DMXL1: variants seen among roughly 807,000 people sequenced by gnomAD.
DMXL1 encodes the protein Dmx like 1.
DMXL1 carries 99 observed loss-of-function variants against 319.2 expected under a neutral mutation model. That is an observed-to-expected ratio of 0.31 (90% confidence interval 0.26 to 0.37). DMXL1 has a LOEUF of 0.37. DMXL1 is among the 10% of genes least tolerant of loss of function. DMXL1 has a pLI of 1.00. For missense variants in DMXL1, 3,745 were observed against 3,595.6 expected, an observed-to-expected ratio of 1.04 and a Z score of -1.06; for synonymous variants, 1,385 against 1,235.2, an observed-to-expected ratio of 1.12 and a Z score of -2.54.
Position 119,114,553 on chromosome 5 carries a change from A to G in DMXL1, c.564+12A>G, listed in dbSNP as rs1760393014. 6.3e-7 allele frequency: 1 copy of G among 1,587,026 alleles called. No individual in the cohort carries two copies. The highest frequency in any genetic ancestry group is 1.7e-5 in the Admixed American group (1 of 57,280). ...CCACTGCTGGGAAGGTAAATTGTGA[A>G]AATGCTATTGCCAAATTATGTGTTT... On this transcript the variant is annotated intron_variant, in intron 6 of 43. Coordinates refer to ENST00000539542, the MANE Select transcript of DMXL1 (RefSeq NM_001290321.3).
chr5:119,134,217 C>G lies in DMXL1; in HGVS notation c.2254+39C>G, dbSNP rs983710123. 4.4e-6 allele frequency: 7 copies of G among 1,605,666 alleles called. No individual in the cohort carries two copies. In the African/African-American group the frequency reaches 9.4e-5, roughly 22 times the overall value. ...TTTTTATTACAGTAATTTAGATTTG[C>G]TGACATTATCATCAAAGGGTGAAAT... On this transcript the variant is annotated intron_variant, in intron 12 of 43. Transcript: ENST00000539542.
chr5:119,096,150 TAGG>T (rs1755903750), intron 1 of DMXL1, among the ~76,000 whole-genome samples: 2 of 151,726 alleles, frequency 1.3e-5, no homozygotes, highest in African/African-American at 2.4e-5. Flanking sequence ...TTGGTTTTGG[TAGG>T]AATTAAGGTG....
intron 1 of DMXL1, among the ~76,000 whole-genome samples, chr5:119,095,306 T>G (rs750011399): frequency 2.0e-5 from 3 of 152,210 alleles, no homozygotes; most frequent in Admixed American, 6.5e-5. Flanking sequence ...AGATAAGTCA[T>G]TGAATGATGA....
intron 19 of DMXL1, among the ~76,000 whole-genome samples, chr5:119,153,307 T>C (rs1770258548): frequency 6.6e-6 from 1 of 152,180 alleles, no homozygotes; most frequent in South Asian, 2.1e-4. Context: ...TAGATTGTAA[T>C]TTAGCACATT....
chr5:119,197,970 T>C lies in DMXL1; in HGVS notation c.7745+14T>C, dbSNP rs754916390. 9.9e-6 allele frequency: 16 copies of C among 1,613,294 alleles called. No individual in the cohort carries two copies. Among genetic ancestry groups the C allele is most frequent in the South Asian group, 2.2e-5 (2 of 91,062 alleles). Reference sequence around the variant, plus strand: ...CACTCCTTTCAAGTAGGTTTTCTTATGAATGCTATTTGGGTTTTTTTGTTT... The same window carrying C: ...CACTCCTTTCAAGTAGGTTTTCTTACGAATGCTATTTGGGTTTTTTTGTTT... On this transcript the variant is annotated intron_variant, in intron 32 of 43. Transcript: ENST00000539542.
chr5:119,131,590 T>C (rs548773978), intron 10 of DMXL1, among the ~76,000 whole-genome samples: 1 of 152,344 alleles, frequency 6.6e-6, no homozygotes, highest in East Asian at 1.9e-4. Flanking sequence ...TTCCAATTCC[T>C]TCTTTTTACC....
In DMXL1 at chr5:119,237,394, A is replaced by G. The variant is rs200309372; in HGVS notation, c.8539A>G (p.Ser2847Gly). Residue 2847 changes from serine to glycine, a missense_variant, in exon 40 of 44, where the codon AGC (serine) becomes GGC (glycine). This residue lies in a region of DMXL1 where 262 missense variants were observed against 320.5 expected (regional missense o/e 0.82). Transcript: ENST00000539542. ...TNWKCCPVTG[S>G]MPKPYLTWQC... ...CTGGAAATGTTGTCCAGTTACTGGA[A>G]GCATGCCTAAGCCATACCTGGTAAG... is the stretch of plus-strand genomic sequence containing the variant. The G allele has an allele frequency of 3.7e-5, 60 of 1,603,526 alleles. No homozygotes were observed. The highest frequency in any genetic ancestry group is 3.0e-4 in the Admixed American group (18 of 59,934).
intron 23 of DMXL1, among the ~76,000 whole-genome samples, chr5:119,168,538 T>C (rs1773896697): frequency 6.6e-6 from 1 of 152,250 alleles, no homozygotes; most frequent in African/African-American, 2.4e-5. Context: ...TAGATTTTTA[T>C]GTGCTATCAT....
intron 28 of DMXL1, 115 bp downstream of exon 28, chr5:119,178,359 G>T (rs545552326): frequency 1.6e-6 from 2 of 1,213,478 alleles, no homozygotes; most frequent in East Asian, 2.5e-5. Context: ...GACCATTTGC[G>T]AAAAGCATAA....
chr5:119,180,154 T>A (rs1441099729), intron 28 of DMXL1, among the ~76,000 whole-genome samples: 1 of 152,204 alleles, frequency 6.6e-6, no homozygotes, highest in African/African-American at 2.4e-5. Flanking sequence ...GCCTTCCCTG[T>A]TAAAGGAATT....
chr5:119,091,870 A>G (rs1385139949), intron 1 of DMXL1, among the ~76,000 whole-genome samples: 1 of 152,186 alleles, frequency 6.6e-6, no homozygotes, highest in Non-Finnish European at 1.5e-5. Context: ...GTTATGGAGC[A>G]CTATTTTCAG....
In DMXL1 at chr5:119,240,455, C is replaced by G; in HGVS notation, c.8688C>G (p.Ala2896=). Residue 2896 remains alanine (A), a synonymous_variant, in exon 42 of 44, where the codon GCC becomes GCG. Transcript: ENST00000539542. The part of the protein sequence containing the change: ...VCLWDTLVAP[A]NSLVHAFTCH... ...TGTGGGATACTCTTGTAGCACCTGC[C>G]AATAGTTTAGTCCATGGTAAGTTTT... 3 of 1,607,108 alleles carry G rather than the reference C, an allele frequency of 1.9e-6. No individual in the cohort carries two copies. The highest frequency in any genetic ancestry group is 2.5e-6 in the Non-Finnish European group (3 of 1,176,576).
chr5:119,081,997 TTATATATATA>T lies in DMXL1; in HGVS notation c.87+10356_87+10365del, dbSNP rs144946899. ...TTTCCCAGAGGAAGTTTTCTTAAGG[TTATATATATA>T]TATATATATATATACACACACACAC... is the stretch of plus-strand genomic sequence containing the variant. On this transcript the variant is annotated intron_variant, in intron 1 of 43. Coordinates refer to ENST00000539542, the MANE Select transcript of DMXL1 (RefSeq NM_001290321.3). Among the ~76,000 whole-genome samples the T allele has an allele frequency of 4.8e-3, 558 of 116,230 alleles. 1 individual carries two copies. The highest frequency in any genetic ancestry group is 0.016 in the African/African-American group (538 of 34,112). The allele number at this position is 116,230 out of a possible 152,430, so 76.3% of individuals were successfully genotyped here. A position where few individuals can be genotyped will look rare whatever the true frequency, so the allele number is the denominator to read the frequency against.
At chr5:119,121,844 C>A (rs937444434) in intron 9 of DMXL1, among the ~76,000 whole-genome samples, 28 of 151,888 alleles carry the variant, frequency 1.8e-4, no homozygotes, top group Admixed American at 6.5e-4. Context: ...CTCCTCACTT[C>A]CCAGTAGGGG....
At chr5:119,239,984 G>A (rs903026328) in intron 41 of DMXL1, among the ~76,000 whole-genome samples, 1 of 146,682 alleles carries the variant, frequency 6.8e-6, no homozygotes, top group African/African-American at 2.5e-5. Context: ...ACAAAAAATT[G>A]TAGCCAGAGC....
rs1789933655 is a variant in DMXL1, at chr5:119,247,070, A to T, written c.8998A>T (p.Ile3000Phe). 6.2e-7 allele frequency: 1 copy of T among 1,614,044 alleles called. No homozygotes were observed. The highest frequency in any genetic ancestry group is 8.5e-7 in the Non-Finnish European group (1 of 1,180,010). ...TGCTCGGCAGTCCATTTTTAGAAAT[A>T]TTGGAACTGGAGTGATGCAAATTGA... Reference protein sequence around the residue: ...EHARQSIFRNIGTGVMQIETG... With the variant: ...EHARQSIFRNFGTGVMQIETG... The change falls in exon 44 of 44, where the codon ATT becomes TTT. Residue 3000 changes from isoleucine (I) to phenylalanine (F), a missense_variant. Physicochemically the swap from Ile to Phe is conservative, Grantham distance 21 (BLOSUM62 0). Transcript: ENST00000539542.
At chr5:119,203,509 G>T (rs1235666019) in intron 33 of DMXL1, 73 bp downstream of exon 33, 22 of 852,586 alleles carry the variant, frequency 2.6e-5, no homozygotes, top group Non-Finnish European at 3.4e-5. Flanking sequence ...CCATTAAAAT[G>T]AGTTGTATTT....
chr5:119,164,743 A>G lies in DMXL1; in HGVS notation c.4872+67A>G, dbSNP rs1773055754. 2.1e-6 allele frequency: 3 copies of G among 1,410,818 alleles called. 1 individual carries two copies. The highest frequency in any genetic ancestry group is 4.7e-5 in the East Asian group (2 of 42,390). 87.4% of individuals were successfully genotyped at this position (1,410,818 alleles called of 1,614,324 possible). ...TGGACGTTTCTTTAAATGGCATTTC[A>G]TATCTTCTCTGCCATTACTCCCTCT... On this transcript the variant is annotated intron_variant, in intron 20 of 43. Coordinates refer to ENST00000539542, the MANE Select transcript of DMXL1 (RefSeq NM_001290321.3).
At position 119,116,180 on chromosome 5, in the gene DMXL1, G is replaced by T. The variant is rs1760800574; in HGVS notation, c.587G>T (p.Trp196Leu). The T allele has an allele frequency of 6.2e-7, 1 of 1,608,872 alleles. No individual in the cohort carries two copies. Among genetic ancestry groups the T allele is most frequent in the South Asian group, 1.1e-5 (1 of 90,472 alleles). ...AGKDDCLLKV[W>L]YNVENWRTAV... is the part of the protein sequence containing the mutation. ...TAGGATGACTGTCTTTTGAAGGTTT[G>T]GTATAATGTAGAAAACTGGCGGACA... The change falls in exon 7 of 44, where the codon TGG (tryptophan) becomes TTG (leucine). Residue 196 changes from tryptophan to leucine, a missense_variant. Transcript: ENST00000539542.
Sources: allele counts gnomAD v4.1 joint callset (sites outside exome capture counted in the v4.1 genomes callset), GRCh38; gene constraint gnomAD v4.1.1; regional missense constraint gnomAD v4.1.1; transcripts MANE v1.5; gene names NCBI Gene and HGNC (gene_info 2026-07-23, HGNC 2026-07-21).